Variants in LACTB2 observed in about 807,000 individuals in gnomAD.
LACTB2 encodes the protein lactamase beta 2.
In LACTB2, 32 loss-of-function variants were observed where a neutral mutation model predicts 34.8. That is an observed-to-expected ratio of 0.92 (90% CI 0.69 to 1.24). The LOEUF is 1.24. Among genes scored for constraint, LACTB2 ranks in the 50% most tolerant of loss-of-function variants. The pLI is 0.00. For missense variants in LACTB2, 320 were observed against 345.0 expected (o/e 0.93, Z 0.57); for synonymous variants, 120 against 117.5 (o/e 1.02, Z -0.14).
intron 3 of LACTB2, chr8:70,651,822 G>C (rs1401983745): frequency 6.6e-6 from 1 of 152,192 alleles, no homozygotes; most frequent in Non-Finnish European, 1.5e-5. Context: ...GGCAGGAGGA[G>C]AAAAGGAAAT....
intron 4 of LACTB2, among the ~76,000 whole-genome samples, chr8:70,641,643 G>C (rs1299741274): frequency 1.3e-5 from 2 of 152,234 alleles, no homozygotes; most frequent in South Asian, 2.1e-4. Flanking sequence ...ACATGACCAA[G>C]CTCTATTAAA....
intron 3 of LACTB2, 134 bp downstream of exon 3, chr8:70,657,622 A>G: frequency 1.3e-6 from 1 of 749,236 alleles, no homozygotes; most frequent in South Asian, 2.3e-5. Context: ...GGTATTGCCC[A>G]GGCTGGTCTT....
intron 1 of LACTB2, chr8:70,662,626 G>A (rs1818494299): frequency 6.6e-6 from 1 of 152,068 alleles, no homozygotes; most frequent in Admixed American, 6.6e-5. Context: ...GATTTTATGA[G>A]GTGGCCTTTC....
At chr8:70,641,441 G>C (rs1818198176) in intron 4 of LACTB2, among the ~76,000 whole-genome samples, 1 of 152,146 alleles carries the variant, frequency 6.6e-6, no homozygotes, top group South Asian at 2.1e-4. Context: ...CCATGAAGTA[G>C]GTACAATTAT....
intron 2 of LACTB2, among the ~76,000 whole-genome samples, chr8:70,659,262 G>A (rs1422739766): frequency 6.6e-6 from 1 of 151,986 alleles, no homozygotes; most frequent in Non-Finnish European, 1.5e-5. Flanking sequence ...GTTAACTGAT[G>A]ATCAATATGG....
At chr8:70,644,013 C>T in intron 4 of LACTB2, 52 bp downstream of exon 4, 1 of 1,408,546 alleles carries the variant, frequency 7.1e-7, no homozygotes, top group Non-Finnish European at 9.3e-7. Context: ...ATAGCAAGAC[C>T]TTGTCTCTAT....
At chr8:70,653,897 A>G (rs1368476674) in intron 3 of LACTB2, 1 of 152,240 alleles carries the variant, frequency 6.6e-6, no homozygotes, top group African/African-American at 2.4e-5. Flanking sequence ...AGGAGCATAC[A>G]TCATTACTTG....
intron 1 of LACTB2, chr8:70,662,426 T>A (rs34917985): frequency 0.33 from 50,439 of 152,052 alleles, 9,505 homozygotes; most frequent in Non-Finnish European, 0.43. Flanking sequence ...AAGAAACTAG[T>A]CTTTGGCACT....
intron 5 of LACTB2, among the ~76,000 whole-genome samples, chr8:70,639,464 A>T (rs1378981551): frequency 1.2e-4 from 18 of 151,890 alleles, no homozygotes. Context: ...CCGGCCTGGC[A>T]GCAGTATCTG....
At chr8:70,658,969 G>A (rs772367045) in intron 2 of LACTB2, among the ~76,000 whole-genome samples, 3 of 151,596 alleles carry the variant, frequency 2.0e-5, no homozygotes, top group Non-Finnish European at 4.4e-5. Context: ...GGAGGTTGCA[G>A]TGAGCCAAGA....
intron 3 of LACTB2, among the ~76,000 whole-genome samples, chr8:70,647,483 C>T (rs1246275761): frequency 6.6e-6 from 1 of 152,172 alleles, no homozygotes; most frequent in South Asian, 2.1e-4. Context: ...AAACTCCTGA[C>T]CTCAAGTGAT....
intron 1 of LACTB2, among the ~76,000 whole-genome samples, chr8:70,663,484 C>T (rs1326317268): frequency 6.6e-6 from 1 of 152,154 alleles, no homozygotes. Flanking sequence ...TATCCGGAGA[C>T]AGGAGACCAG....
In LACTB2 at chr8:70,652,312, T is replaced by G. The variant is rs73685696; in HGVS notation, c.413+5444A>C. Among the ~76,000 whole-genome samples the G allele has an allele frequency of 5.4e-3, 828 of 152,318 alleles. 11 individuals are homozygous for G. Among genetic ancestry groups the G allele is most frequent in the African/African-American group, 0.019 (794 of 41,576 alleles). On this transcript the variant is annotated intron_variant, in intron 3 of 6. Transcript: ENST00000276590. ...TTTCACTAGCTAGCTTAACAAAGGT[T>G]TTGCTTAAAATATTACATGTTAATA... is the stretch of plus-strand genomic sequence containing the variant.
In LACTB2 at chr8:70,643,208, CTTTTTTTTTT is replaced by C. The variant is rs66482767; in HGVS notation, c.592+847_592+856del. The stretch of plus-strand genomic sequence containing the variant: ...AGACAGGACTTAGGGGTGTATTTTC[CTTTTTTTTTT>C]TTTTTTTTTTTTTTTTTTTTTTTGA... On this transcript the variant is annotated intron_variant, in intron 4 of 6. Coordinates refer to ENST00000276590, the MANE Select transcript of LACTB2 (RefSeq NM_016027.3). 2.1e-4 allele frequency among the ~76,000 whole-genome samples: 16 copies of C among 76,220 alleles called. No homozygotes were observed. The East Asian group carries it at 5.6e-3, about 27-fold the overall frequency. The allele number at this position is 76,220 out of a possible 152,430, so 50.0% of individuals were successfully genotyped here.
At chr8:70,640,228 T>C (rs1436458254) in intron 5 of LACTB2, among the ~76,000 whole-genome samples, 2 of 152,164 alleles carry the variant, frequency 1.3e-5, no homozygotes, top group African/African-American at 4.8e-5. Context: ...CCCAAAATAC[T>C]GGGATTACAG....
At chr8:70,648,756 A>C (rs1429374123) in intron 3 of LACTB2, among the ~76,000 whole-genome samples, 3 of 152,162 alleles carry the variant, frequency 2.0e-5, no homozygotes, top group Non-Finnish European at 4.4e-5. Flanking sequence ...GCTTTGACTA[A>C]AACTATAGTC....
At position 70,661,754 on chromosome 8, in the gene LACTB2, A is replaced by AT. The variant is rs1472517678; in HGVS notation, c.265dup (p.Ile89AsnfsTer3). ...TTTACCATTATTGATGCTTTTACAA[A>AT]TATCTCCTATGCCTCCAGAATGATC... On this transcript the variant is annotated frameshift_variant, in exon 2 of 7. Transcript: ENST00000276590. LOFTEE classifies it high-confidence loss of function. 6.2e-7 allele frequency: 1 copy of AT among 1,609,416 alleles called. No individual in the cohort carries two copies. Among genetic ancestry groups the AT allele is most frequent in the Non-Finnish European group, 8.5e-7 (1 of 1,178,894 alleles).
intron 1 of LACTB2, among the ~76,000 whole-genome samples, chr8:70,665,096 C>T (rs113532691): frequency 2.6e-5 from 4 of 152,214 alleles, no homozygotes; most frequent in African/African-American, 9.6e-5. Flanking sequence ...CAAACAGTTA[C>T]TCTATCAGTG....
intron 3 of LACTB2, among the ~76,000 whole-genome samples, chr8:70,648,146 G>A (rs571219999): frequency 6.6e-6 from 1 of 152,108 alleles, no homozygotes; most frequent in Non-Finnish European, 1.5e-5. Flanking sequence ...AGCTCATCCA[G>A]ATTATCCTAC....
Sources: allele counts gnomAD v4.1 joint callset (sites outside exome capture counted in the v4.1 genomes callset), GRCh38; gene constraint gnomAD v4.1.1; transcripts MANE v1.5; gene names NCBI Gene and HGNC (gene_info 2026-07-23, HGNC 2026-07-21).